BBX: variants seen among roughly 807,000 people sequenced by gnomAD.
BBX encodes the protein HMG box transcription factor BBX.
BBX carries 30 observed loss-of-function variants against 100.2 expected under a neutral mutation model. The ratio of observed to expected loss-of-function variants is 0.30; its 90% confidence interval spans 0.22 to 0.41. The LOEUF (loss-of-function observed/expected upper bound fraction) is 0.41, where lower values mean the gene tolerates loss of function less well. Ranked by LOEUF, BBX falls within the 10% of genes least tolerant of loss-of-function variation. BBX has a pLI of 1.00. For missense variants in BBX, 1,023 were observed against 1,129.8 expected (o/e 0.91, Z 1.35); for synonymous variants, 376 against 388.1 (o/e 0.97, Z 0.37).
intron 2 of BBX, among the ~76,000 whole-genome samples, chr3:107,644,365 A>G (rs1036133111): frequency 8.1e-4 from 124 of 152,246 alleles, no homozygotes; most frequent in African/African-American, 2.7e-3. Flanking sequence ...CAAATTATAT[A>G]TATTTTTAGA....
At chr3:107,523,190 G>T in intron 1 of BBX, 83 bp downstream of exon 1, 1 of 193,188 alleles carries the variant, frequency 5.2e-6, no homozygotes, top group South Asian at 8.4e-5. Flanking sequence ...CCGCCGGGCT[G>T]CAGCCCCAAG....
intron 2 of BBX, among the ~76,000 whole-genome samples, chr3:107,604,008 A>G (rs1431138432): frequency 6.6e-6 from 1 of 152,142 alleles, no homozygotes; most frequent in South Asian, 2.1e-4. Flanking sequence ...AACCCATAGT[A>G]TCTCCAAGGA....
chr3:107,591,866 G>A (rs1373627892), intron 2 of BBX, among the ~76,000 whole-genome samples: 1 of 152,136 alleles, frequency 6.6e-6, no homozygotes, highest in Non-Finnish European at 1.5e-5. Flanking sequence ...GAGTATTATA[G>A]GTGATTGAAA....
intron 2 of BBX, among the ~76,000 whole-genome samples, chr3:107,597,899 G>A (rs1419020615): frequency 1.3e-5 from 2 of 152,086 alleles, no homozygotes; most frequent in African/African-American, 4.8e-5. Context: ...GCCCCAGAGT[G>A]AGAAACTGAT....
intron 2 of BBX, among the ~76,000 whole-genome samples, chr3:107,540,378 G>C (rs527491288): frequency 1.3e-5 from 2 of 152,124 alleles, no homozygotes; most frequent in African/African-American, 4.8e-5. Context: ...TTTGTTTCCC[G>C]AGTCCTAGGA....
intron 10 of BBX, among the ~76,000 whole-genome samples, chr3:107,757,106 C>CAT (rs1240835665): frequency 6.6e-6 from 1 of 151,934 alleles, no homozygotes; most frequent in Non-Finnish European, 1.5e-5. Flanking sequence ...TGTGGGCACA[C>CAT]ATATATAGGA....
chr3:107,652,985 G>T (rs1198848435), intron 3 of BBX, among the ~76,000 whole-genome samples: 1 of 152,090 alleles, frequency 6.6e-6, no homozygotes, highest in Non-Finnish European at 1.5e-5. Flanking sequence ...ATAGCATCTG[G>T]TACATAGAAG....
intron 3 of BBX, among the ~76,000 whole-genome samples, chr3:107,673,478 C>T (rs1467822816): frequency 2.6e-5 from 4 of 151,818 alleles, no homozygotes; most frequent in Admixed American, 2.6e-4. Flanking sequence ...ACCTACCTGC[C>T]CACCCCAAAA....
chr3:107,710,415 C>A, intron 3 of BBX, 37 bp from the exon 4 acceptor site: 1 of 1,505,650 alleles, frequency 6.6e-7, no homozygotes, highest in Non-Finnish European at 9.0e-7. Flanking sequence ...CTTTCTCTCC[C>A]TGTTTCCCTG....
chr3:107,787,624 G>T (rs550655157), intron 13 of BBX, among the ~76,000 whole-genome samples: 1 of 152,280 alleles, frequency 6.6e-6, no homozygotes, highest in East Asian at 1.9e-4. Flanking sequence ...TGGGTGAATT[G>T]TATGGTATGT....
At chr3:107,562,718 A>C (rs972891428) in intron 2 of BBX, among the ~76,000 whole-genome samples, 16 of 152,196 alleles carry the variant, frequency 1.1e-4, no homozygotes, top group African/African-American at 3.9e-4. Context: ...ATAAAGCTCT[A>C]AACCAGGAAG....
intron 5 of BBX, among the ~76,000 whole-genome samples, chr3:107,718,002 A>G (rs1033132320): frequency 2.6e-5 from 4 of 151,918 alleles, no homozygotes; most frequent in African/African-American, 9.7e-5. Flanking sequence ...GGTATGTGAA[A>G]AAATAATTCT....
At chr3:107,584,686 T>C in intron 2 of BBX, among the ~76,000 whole-genome samples, 1 of 114,736 alleles carries the variant, frequency 8.7e-6, no homozygotes, top group East Asian at 2.4e-4. Flanking sequence ...TTTTTTTTTT[T>C]TTTTTTTTTT....
rs547077998 is a variant in BBX, at chr3:107,639,081, C to T, written c.-83-6755C>T. Among the ~76,000 whole-genome samples the T allele has an allele frequency of 3.9e-5, 6 of 152,208 alleles. No individual in the cohort carries two copies. The South Asian group carries it at 6.2e-4, about 16-fold the overall frequency. ...ATAAGGGAAAATAAGAGATCACTGTCCTTTGCTTCTTGGAACTGAAGATTT... is the reference window on the plus strand; with the variant it reads ...ATAAGGGAAAATAAGAGATCACTGTTCTTTGCTTCTTGGAACTGAAGATTT... On this transcript the variant is annotated intron_variant, in intron 2 of 17. Coordinates refer to ENST00000325805, the MANE Select transcript of BBX (RefSeq NM_001142568.3).
Position 107,773,711 on chromosome 3 carries a change from C to G in BBX, c.1915+75C>G. Reference sequence around the variant, plus strand: ...TCACCTTTAGACCTATTGAAAACAACTGCCATAAAAAACAATATGGTATCA... The same window carrying G: ...TCACCTTTAGACCTATTGAAAACAAGTGCCATAAAAAACAATATGGTATCA... On this transcript the variant is annotated intron_variant, in intron 11 of 17. Transcript: ENST00000325805. This position sits in a 1 kb window ranked among gnomAD's most constrained non-coding sequence, Gnocchi z 4.1. 1.5e-6 allele frequency: 2 copies of G among 1,342,700 alleles called. No homozygotes were observed. Among genetic ancestry groups the G allele is most frequent in the Non-Finnish European group, 2.0e-6 (2 of 990,818 alleles). 83.2% of individuals were successfully genotyped at this position (1,342,700 alleles called of 1,614,324 possible).
chr3:107,797,349 T>TATTCCAA (rs2069807923), intron 15 of BBX, among the ~76,000 whole-genome samples: 1 of 121,876 alleles, frequency 8.2e-6, no homozygotes, highest in Admixed American at 8.6e-5. Flanking sequence ...TATATATATA[T>TATTCCAA]ATATATATAT....
chr3:107,659,838 A>G (rs752505626), intron 3 of BBX: 17 of 962,462 alleles, frequency 1.8e-5, no homozygotes, highest in African/African-American at 3.4e-5. Flanking sequence ...CTAGAAATGC[A>G]TCAGTTCCTA....
chr3:107,561,579 CA>C (rs2050500513), intron 2 of BBX, among the ~76,000 whole-genome samples: 1 of 152,074 alleles, frequency 6.6e-6, no homozygotes, highest in South Asian at 2.1e-4. Context: ...ATGGATTAAT[CA>C]CAACAGTGGT....
intron 3 of BBX, among the ~76,000 whole-genome samples, chr3:107,692,916 T>A (rs1263982448): frequency 6.6e-6 from 1 of 150,736 alleles, no homozygotes; most frequent in Non-Finnish European, 1.5e-5. Flanking sequence ...GGTATCTCGT[T>A]GTGGTTTTGA....
Sources: allele counts gnomAD v4.1 joint callset (sites outside exome capture counted in the v4.1 genomes callset), GRCh38; gene constraint gnomAD v4.1.1; non-coding constraint Gnocchi (gnomAD v3.1); transcripts MANE v1.5; gene names NCBI Gene and HGNC (gene_info 2026-07-23, HGNC 2026-07-21).